The following GRIA2 variants were observed in gnomAD, a reference collection of about 807,000 sequenced individuals.
GRIA2 encodes glutamate receptor 2.
A neutral mutation model predicts 97.3 loss-of-function variants in GRIA2; 14 were observed. That is an observed-to-expected ratio of 0.14 (90% CI 0.10 to 0.23). The LOEUF is 0.23. Ranked by LOEUF, GRIA2 falls within the 10% of genes least tolerant of loss-of-function variation. GRIA2 has a pLI of 1.00. For missense variants in GRIA2, 558 were observed against 1,069.8 expected (o/e 0.52, Z 6.67); for synonymous variants, 412 against 387.8 (o/e 1.06, Z -0.73).
At chr4:157,244,317 G>A (rs1452984212) in intron 2 of GRIA2, among the ~76,000 whole-genome samples, 1 of 152,040 alleles carries the variant, frequency 6.6e-6, no homozygotes, top group Non-Finnish European at 1.5e-5. Flanking sequence ...AGCAGCATGA[G>A]TTTTGATTTA....
chr4:157,226,119 G>A (rs1182055060), intron 2 of GRIA2, among the ~76,000 whole-genome samples: 1 of 151,780 alleles, frequency 6.6e-6, no homozygotes, highest in Non-Finnish European at 1.5e-5. Context: ...ATAGTTATTA[G>A]TCTAGTTAAA....
At chr4:157,311,449 TA>T (rs1159049273) in intron 3 of GRIA2, among the ~76,000 whole-genome samples, 9 of 152,084 alleles carry the variant, frequency 5.9e-5, no homozygotes, top group African/African-American at 9.6e-5. Context: ...TAAGATGTTT[TA>T]GACTCATCTT....
chr4:157,278,841 A>G (rs1322138295), intron 2 of GRIA2, among the ~76,000 whole-genome samples: 2 of 103,052 alleles, frequency 1.9e-5, no homozygotes, highest in Non-Finnish European at 4.2e-5. Flanking sequence ...TGAAGAAGAT[A>G]TACTGAAGAT....
rs781317017 is a variant in GRIA2 at position 157,303,568 on chromosome 4, G to A, written c.246G>A (p.Ser82=). The A allele has an allele frequency of 1.2e-5, 20 of 1,613,118 alleles. No individual in the cohort carries two copies. In the South Asian group the frequency reaches 1.3e-4, roughly 11 times the overall value. The change falls in exon 3 of 16, where the codon TCG becomes TCA. Residue 82 remains serine (S), a synonymous_variant. Coordinates refer to ENST00000264426, the MANE Select transcript of GRIA2 (RefSeq NM_001083619.3). ...TTCTTCTAGTCTGCTCCCAGTTTTC[G>A]AGAGGAGTCTATGCTATTTTTGGAT... ...AVTNAFCSQF[S]RGVYAIFGFY... is the part of the protein sequence containing the mutation.
rs186522081 is a variant in GRIA2 at position 157,240,942 on chromosome 4, G to C, written c.229+19135G>C. 1.0e-3 allele frequency among the ~76,000 whole-genome samples: 150 copies of C among 150,462 alleles called. 1 individual carries two copies. The East Asian group carries it at 0.024, about 24-fold the overall frequency. ...ATCTCATTGTTCAGTTCCCACCTAT[G>C]AGTGAGAATATGCGGTGTTTGGTTT... On this transcript the variant is annotated intron_variant, in intron 2 of 15. Coordinates refer to ENST00000264426, the MANE Select transcript of GRIA2 (RefSeq NM_001083619.3).
chr4:157,242,208 A>C (rs576746770), intron 2 of GRIA2, among the ~76,000 whole-genome samples: 1 of 152,202 alleles, frequency 6.6e-6, no homozygotes, highest in South Asian at 2.1e-4. Flanking sequence ...TTCTTCTCTA[A>C]AAAGGCAGTC....
At chr4:157,289,641 A>G (rs1733005194) in intron 2 of GRIA2, among the ~76,000 whole-genome samples, 2 of 152,016 alleles carry the variant, frequency 1.3e-5, no homozygotes, top group South Asian at 2.1e-4. Context: ...GAAAAGGTAT[A>G]GCAAAGATTA....
At chr4:157,337,816 T>C (rs1298165760) in intron 11 of GRIA2, among the ~76,000 whole-genome samples, 1 of 151,396 alleles carries the variant, frequency 6.6e-6, no homozygotes, top group Non-Finnish European at 1.5e-5. Flanking sequence ...CCAGAAATTA[T>C]CAGTAGCTTA....
intron 3 of GRIA2, among the ~76,000 whole-genome samples, chr4:157,311,737 G>T (rs541016554): frequency 1.2e-4 from 18 of 151,808 alleles, no homozygotes; most frequent in Admixed American, 2.0e-4. Context: ...CTGGAGTCTC[G>T]ATTTTGCGTT....
At chr4:157,247,434 A>G (rs906143177) in intron 2 of GRIA2, among the ~76,000 whole-genome samples, 5 of 152,142 alleles carry the variant, frequency 3.3e-5, no homozygotes, top group Non-Finnish European at 7.4e-5. Flanking sequence ...GTGACTCTTC[A>G]ATTGGTAAGG....
chr4:157,356,203 A>G lies in GRIA2; in HGVS notation c.2044-3693A>G, dbSNP rs927161779. 3.1e-4 allele frequency among the ~76,000 whole-genome samples: 41 copies of G among 133,358 alleles called. No homozygotes were observed. In the East Asian group the frequency reaches 7.5e-3, roughly 25 times the overall value. The allele number at this position is 133,358 out of a possible 152,430, so 87.5% of individuals were successfully genotyped here. A position where few individuals can be genotyped will look rare whatever the true frequency, so the allele number is the denominator to read the frequency against. ...TATATATTTATTTATATATATTTAT[A>G]TATATATTTATATAGAGAGAGAGAG... On this transcript the variant is annotated intron_variant, in intron 12 of 15. Transcript: ENST00000264426.
At chr4:157,228,175 C>T (rs1030511354) in intron 2 of GRIA2, among the ~76,000 whole-genome samples, 1 of 152,190 alleles carries the variant, frequency 6.6e-6, no homozygotes, top group African/African-American at 2.4e-5. Context: ...AGTGCACCGA[C>T]TCACTTAATA....
Position 157,333,371 on chromosome 4 carries a change from T to A in GRIA2, c.1155+18T>A. ...CCCGGAAGGTAAATCCTTAGTGATT[T>A]AAAGGCAGTTCTATGTGAGGAGGTG... On this transcript the variant is annotated intron_variant, in intron 8 of 15. Coordinates refer to ENST00000264426, the MANE Select transcript of GRIA2 (RefSeq NM_001083619.3). 7.3e-7 allele frequency: 1 copy of A among 1,363,174 alleles called. No homozygotes were observed. Among genetic ancestry groups the A allele is most frequent in the Non-Finnish European group, 1.0e-6 (1 of 971,628 alleles). The allele number at this position is 1,363,174 out of a possible 1,614,324, so 84.4% of individuals were successfully genotyped here.
chr4:157,269,212 G>T (rs998421398), intron 2 of GRIA2, among the ~76,000 whole-genome samples: 1 of 151,870 alleles, frequency 6.6e-6, no homozygotes, highest in African/African-American at 2.4e-5. Context: ...TGGAAGACAT[G>T]GAAAATCATT....
intron 2 of GRIA2, among the ~76,000 whole-genome samples, chr4:157,274,609 C>T (rs893271456): frequency 6.7e-5 from 10 of 148,582 alleles, no homozygotes; most frequent in South Asian, 2.2e-4. Flanking sequence ...TGAGTGAGAA[C>T]ATGCGGTGTT....
chr4:157,245,602 A>G (rs1206661293), intron 2 of GRIA2, among the ~76,000 whole-genome samples: 1 of 152,068 alleles, frequency 6.6e-6, no homozygotes, highest in Admixed American at 6.5e-5. Flanking sequence ...AAATCCAACT[A>G]TAATATATCA....
At chr4:157,328,381 T>A (rs1384257023) in intron 6 of GRIA2, among the ~76,000 whole-genome samples, 1 of 152,046 alleles carries the variant, frequency 6.6e-6, no homozygotes, top group East Asian at 1.9e-4. Flanking sequence ...GGTGCCTCTG[T>A]CTCTTAGAGA....
chr4:157,294,875 C>T (rs1386781823), intron 2 of GRIA2, among the ~76,000 whole-genome samples: 1 of 152,112 alleles, frequency 6.6e-6, no homozygotes, highest in Non-Finnish European at 1.5e-5. Context: ...GCCCAGAACT[C>T]ACATAGAGCA....
intron 12 of GRIA2, among the ~76,000 whole-genome samples, chr4:157,342,688 G>A (rs1452850729): frequency 6.6e-6 from 1 of 152,072 alleles, no homozygotes; most frequent in Non-Finnish European, 1.5e-5. Flanking sequence ...TTTGTATGCA[G>A]TGTAGCTTGC....
Sources: gnomAD v4.1 joint callset for allele counts (sites outside exome capture counted in the v4.1 genomes callset) on GRCh38, gnomAD v4.1.1 for gene constraint, MANE v1.5 for transcripts, NCBI Gene and HGNC (gene_info 2026-07-23, HGNC 2026-07-21) for gene names.